The following DLC1 variants were observed in gnomAD, a reference collection of about 807,000 sequenced individuals.
DLC1 encodes the protein DLC1 Rho GTPase activating protein, also known as rho GTPase-activating protein 7.
DLC1 carries 54 observed loss-of-function variants against 140.3 expected under a neutral mutation model. The observed-to-expected ratio is 0.38, with a 90% CI of 0.31 to 0.48. The LOEUF (loss-of-function observed/expected upper bound fraction) is 0.48, where lower values mean the gene tolerates loss of function less well. Ranked by LOEUF, DLC1 falls within the 20% of genes least tolerant of loss-of-function variation. The pLI is 0.96. For missense variants in DLC1, 2,536 were observed against 1,907.0 expected (o/e 1.33, Z -6.14); for synonymous variants, 986 against 728.1 (o/e 1.35, Z -5.70).
At chr8:13,475,321 AT>A (rs1284189299) in intron 2 of DLC1, among the ~76,000 whole-genome samples, 1 of 152,216 alleles carries the variant, frequency 6.6e-6, no homozygotes, top group Non-Finnish European at 1.5e-5. Flanking sequence ...TTTCAAAAAA[AT>A]CTTTACTTTG....
At chr8:13,309,996 T>C (rs1832607762) in intron 4 of DLC1, among the ~76,000 whole-genome samples, 1 of 152,232 alleles carries the variant, frequency 6.6e-6, no homozygotes, top group African/African-American at 2.4e-5. Context: ...ATTTTTATTA[T>C]GCCATTTTCC....
chr8:13,172,884 A>G (rs922991722), intron 5 of DLC1, among the ~76,000 whole-genome samples: 5 of 152,120 alleles, frequency 3.3e-5, no homozygotes, highest in African/African-American at 1.2e-4. Context: ...TCTGCCATTA[A>G]TTTCTGCTGC....
chr8:13,150,626 C>G lies in DLC1; in HGVS notation c.1349-34969G>C, dbSNP rs1238777137. ...GGGGACTTCCTCCTTTGCAGGAAAC[C>G]AGGCCTCTGGCTATGGCTTTGTCTT... On this transcript the variant is annotated intron_variant, in intron 5 of 17. Transcript: ENST00000276297. Among the ~76,000 whole-genome samples, 5 of 152,332 alleles carry G rather than the reference C, an allele frequency of 3.3e-5. No individual in the cohort carries two copies. In the South Asian group the frequency reaches 6.2e-4, roughly 19 times the overall value.
At chr8:13,293,069 C>G (rs774217403) in intron 5 of DLC1, among the ~76,000 whole-genome samples, 2 of 152,046 alleles carry the variant, frequency 1.3e-5, no homozygotes, top group African/African-American at 2.4e-5. Flanking sequence ...TGTTAAAAAA[C>G]ATTTTTAAAA....
At chr8:13,515,763 C>G (rs1215024762), upstream of DLC1, 1 of 152,176 alleles carries the variant, frequency 6.6e-6, no homozygotes, top group Non-Finnish European at 1.5e-5. Flanking sequence ...ACCAGACAGG[C>G]AACTCTGGAG....
chr8:13,369,984 G>A (rs952584609), intron 4 of DLC1, among the ~76,000 whole-genome samples: 2 of 150,898 alleles, frequency 1.3e-5, no homozygotes, highest in African/African-American at 2.4e-5. Context: ...CTTTGGGACT[G>A]GTCACTCCTC....
chr8:13,159,412 G>T lies in DLC1; in HGVS notation c.1349-43755C>A, dbSNP rs192690457. Among the ~76,000 whole-genome samples, 317 of 152,324 alleles carry T rather than the reference G, an allele frequency of 2.1e-3. 3 individuals are homozygous for T. Among genetic ancestry groups the T allele is most frequent in the African/African-American group, 7.4e-3 (308 of 41,580 alleles). On this transcript the variant is annotated intron_variant, in intron 5 of 17. Transcript: ENST00000276297. ...TCCAGGGCGCTGCACTTTATCAAAG[G>T]ATCGGGAGACAGCTGCGCATTCTCA...
intron 5 of DLC1, among the ~76,000 whole-genome samples, chr8:13,192,419 C>T (rs984911090): frequency 1.3e-5 from 2 of 152,100 alleles, no homozygotes; most frequent in African/African-American, 4.8e-5. Context: ...AGGAAGTTAC[C>T]AGAGTTTTGA....
intron 6 of DLC1, among the ~76,000 whole-genome samples, chr8:13,114,598 C>T (rs1462043775): frequency 6.6e-6 from 1 of 151,644 alleles, no homozygotes; most frequent in Non-Finnish European, 1.5e-5. Flanking sequence ...TAAAAGACAA[C>T]CTAGAGAAAA....
At chr8:13,436,520 T>C (rs1839129377) in intron 2 of DLC1, among the ~76,000 whole-genome samples, 1 of 152,242 alleles carries the variant, frequency 6.6e-6, no homozygotes, top group East Asian at 1.9e-4. Context: ...TCTTAGATTT[T>C]TTTTTAAAAT....
intron 4 of DLC1, among the ~76,000 whole-genome samples, chr8:13,314,843 C>T (rs903812547): frequency 1.3e-5 from 2 of 152,168 alleles, no homozygotes; most frequent in African/African-American, 2.4e-5. Context: ...ATAAAGTGGG[C>T]TCTTGGCTGG....
Position 13,499,679 on chromosome 8 carries a change from T to G in DLC1, c.393A>C (p.Gln131His), listed in dbSNP as rs1266597111. ...LTDDKQVLNT[Q>H]GQKTSGQHMI... Reference sequence around the variant, plus strand: ...TATGTTGGCCTGATGTTTTCTGCCCTTGGGTATTTAAAACCTGTTTATCAT... The same window carrying G: ...TATGTTGGCCTGATGTTTTCTGCCCGTGGGTATTTAAAACCTGTTTATCAT... Residue 131 changes from glutamine (Q) to histidine (H), a missense_variant, in exon 2 of 18, where the codon CAA becomes CAC. Coordinates refer to ENST00000276297, the MANE Select transcript of DLC1 (RefSeq NM_182643.3). The G allele has an allele frequency of 6.2e-7, 1 of 1,614,226 alleles. No homozygotes were observed. Among genetic ancestry groups the G allele is most frequent in the African/African-American group, 1.3e-5 (1 of 75,060 alleles).
chr8:13,601,542 A>G (rs1805883475), intron 1 of DLC1, among the ~76,000 whole-genome samples: 1 of 151,790 alleles, frequency 6.6e-6, no homozygotes, highest in Non-Finnish European at 1.5e-5. Flanking sequence ...TATTCATTGG[A>G]AAGCACTTGT....
chr8:13,230,590 CTTTTTTCTTTTTTT>C (rs1828999317), intron 5 of DLC1, among the ~76,000 whole-genome samples: 1 of 146,002 alleles, frequency 6.8e-6, no homozygotes, highest in Non-Finnish European at 1.5e-5. Context: ...TTTCTTTTTT[CTTTTTTCTTTTTTT>C]TTTTTTTTTG....
At chr8:13,449,779 C>G (rs1204095575) in intron 2 of DLC1, among the ~76,000 whole-genome samples, 1 of 151,942 alleles carries the variant, frequency 6.6e-6, no homozygotes, top group African/African-American at 2.4e-5. Flanking sequence ...TGTAACTAAC[C>G]TGCACATTGT....
At chr8:13,095,491 T>C (rs1818434969) in intron 10 of DLC1, 1 of 513,630 alleles carries the variant, frequency 1.9e-6, no homozygotes, top group Non-Finnish European at 3.5e-6. Flanking sequence ...AACATTCCTA[T>C]CATCCAGACA....
chr8:13,581,242 A>C (rs998064946), intron 1 of DLC1, among the ~76,000 whole-genome samples: 1 of 152,150 alleles, frequency 6.6e-6, no homozygotes, highest in Non-Finnish European at 1.5e-5. Flanking sequence ...TTAAATTTCC[A>C]TTTGTTCAAT....
intron 5 of DLC1, among the ~76,000 whole-genome samples, chr8:13,183,035 A>G (rs1826131981): frequency 6.6e-6 from 1 of 152,216 alleles, no homozygotes; most frequent in African/African-American, 2.4e-5. Flanking sequence ...GGTGCTTCGC[A>G]TCCCTTGTAA....
chr8:13,498,975 G>T lies in DLC1; in HGVS notation c.1023+74C>A, dbSNP rs758244415. Reference sequence around the variant, plus strand: ...CCATCTTCATATCTTTTTAATCCAAGCAAAATGATAACTGATAAATCCAAG... The same window carrying T: ...CCATCTTCATATCTTTTTAATCCAATCAAAATGATAACTGATAAATCCAAG... On this transcript the variant is annotated intron_variant, in intron 2 of 17. Coordinates refer to ENST00000276297, the MANE Select transcript of DLC1 (RefSeq NM_182643.3). 3.1e-4 allele frequency: 461 copies of T among 1,481,658 alleles called. 1 individual carries two copies. The highest frequency in any genetic ancestry group is 4.1e-4 in the Non-Finnish European group (454 of 1,117,616). The allele number at this position is 1,481,658 out of a possible 1,614,324, so 91.8% of individuals were successfully genotyped here.
Sources: allele counts gnomAD v4.1 joint callset (sites outside exome capture counted in the v4.1 genomes callset), GRCh38; gene constraint gnomAD v4.1.1; transcripts MANE v1.5; gene names NCBI Gene and HGNC (gene_info 2026-07-23, HGNC 2026-07-21).